Variants in CSMD1 observed in about 807,000 individuals in gnomAD.
CSMD1 encodes the protein CUB and sushi domain-containing protein 1.
CSMD1 carries 213 observed loss-of-function variants against 417.5 expected under a neutral mutation model. The ratio of observed to expected loss-of-function variants is 0.51; its 90% CI spans 0.46 to 0.57. The LOEUF (loss-of-function observed/expected upper bound fraction) is 0.57, where lower values mean the gene tolerates loss of function less well. CSMD1 is among the 20% of genes least tolerant of loss of function. CSMD1 has a pLI of 0.00. For missense variants in CSMD1, 6,923 were observed against 4,529.7 expected, an observed-to-expected ratio of 1.53 and a Z score of -15.17; for synonymous variants, 2,862 against 1,736.8, an observed-to-expected ratio of 1.65 and a Z score of -16.11.
chr8:4,752,055 T>C (rs1431133356), intron 1 of CSMD1, among the ~76,000 whole-genome samples: 3 of 151,446 alleles, frequency 2.0e-5, no homozygotes, highest in Non-Finnish European at 4.4e-5. Context: ...GTGTATATAT[T>C]AATACAAAAA....
At chr8:3,040,175 C>T (rs7014609) in intron 50 of CSMD1, among the ~76,000 whole-genome samples, 5 of 151,892 alleles carry the variant, frequency 3.3e-5, no homozygotes, top group Non-Finnish European at 7.4e-5. Context: ...AAAGAAGGAA[C>T]GAACATCCAA....
intron 53 of CSMD1, 143 bp downstream of exon 53, chr8:2,999,813 TTC>T (rs1807239203): frequency 1.6e-6 from 1 of 632,632 alleles, no homozygotes; most frequent in South Asian, 3.5e-5. Context: ...ACCTCTCCTG[TTC>T]TCTTTCTTTG....
intron 5 of CSMD1, among the ~76,000 whole-genome samples, chr8:3,962,512 T>A (rs565508144): frequency 6.6e-6 from 1 of 152,180 alleles, no homozygotes; most frequent in African/African-American, 2.4e-5. Flanking sequence ...GGAACCCCTA[T>A]ATTAACGTAA....
intron 5 of CSMD1, among the ~76,000 whole-genome samples, chr8:3,763,329 G>C (rs973560347): frequency 2.6e-5 from 4 of 152,182 alleles, no homozygotes; most frequent in South Asian, 4.1e-4. Context: ...GGCCCTGTGG[G>C]AGGTGTTGGT....
chr8:4,958,353 G>C (rs28489494), intron 1 of CSMD1, among the ~76,000 whole-genome samples: 1 of 151,966 alleles, frequency 6.6e-6, no homozygotes, highest in East Asian at 1.9e-4. Flanking sequence ...AGGTGAACAT[G>C]GTTGATCTTT....
chr8:2,954,099 A>C, intron 65 of CSMD1, 125 bp downstream of exon 65: 1 of 462,532 alleles, frequency 2.2e-6, no homozygotes, highest in South Asian at 5.0e-5. Context: ...TAAATAATTG[A>C]AACATTAACT....
intron 2 of CSMD1, among the ~76,000 whole-genome samples, chr8:4,591,204 G>C (rs1799966218): frequency 6.6e-6 from 1 of 152,318 alleles, no homozygotes. Context: ...GCTGAGTAAA[G>C]ATGAAGATGA....
intron 5 of CSMD1, among the ~76,000 whole-genome samples, chr8:3,969,336 T>C (rs868128227): frequency 6.6e-6 from 1 of 152,184 alleles, no homozygotes; most frequent in African/African-American, 2.4e-5. Context: ...CTCTCGCTAC[T>C]TGCTTCCTAA....
rs1006356591 is a variant in CSMD1, at chr8:3,942,393, C to T, written c.818+55510G>A. Among the ~76,000 whole-genome samples, 3 of 152,106 alleles carry T rather than the reference C, an allele frequency of 2.0e-5. No individual in the cohort carries two copies. The South Asian group carries it at 6.2e-4, about 32-fold the overall frequency. ...CTACCTTAACCCAAGCACCTTTTCT[C>T]AAAGTGACACTGCTAAGGCAAAGCA... On this transcript the variant is annotated intron_variant, in intron 5 of 69. Coordinates refer to ENST00000635120, the MANE Select transcript of CSMD1 (RefSeq NM_033225.6).
chr8:3,220,794 G>A (rs1798163886), intron 28 of CSMD1, among the ~76,000 whole-genome samples: 1 of 152,168 alleles, frequency 6.6e-6, no homozygotes, highest in Non-Finnish European at 1.5e-5. Context: ...TCACGCCACT[G>A]CACTCCAGCC....
chr8:3,574,870 G>A, intron 10 of CSMD1, 75 bp downstream of exon 10: 1 of 1,496,346 alleles, frequency 6.7e-7, no homozygotes, highest in African/African-American at 1.4e-5. Context: ...GCATTTGCTG[G>A]GCTGTTTGCT....
At chr8:4,781,613 T>A (rs1192295118) in intron 1 of CSMD1, among the ~76,000 whole-genome samples, 1 of 152,240 alleles carries the variant, frequency 6.6e-6, no homozygotes, top group Non-Finnish European at 1.5e-5. Flanking sequence ...TGTCTATTGT[T>A]GTACTTTCTG....
chr8:4,758,444 A>T (rs1811813275), intron 1 of CSMD1, among the ~76,000 whole-genome samples: 1 of 152,172 alleles, frequency 6.6e-6, no homozygotes, highest in Non-Finnish European at 1.5e-5. Flanking sequence ...AGGTGACATA[A>T]AGGAAGCGTG....
intron 1 of CSMD1, among the ~76,000 whole-genome samples, chr8:4,803,926 T>A (rs575794105): frequency 4.7e-4 from 71 of 152,298 alleles, no homozygotes; most frequent in African/African-American, 1.7e-3. Flanking sequence ...AGAGCCTCCA[T>A]AAATACGATG....
intron 10 of CSMD1, among the ~76,000 whole-genome samples, chr8:3,544,366 G>C (rs1283384979): frequency 6.6e-6 from 1 of 152,102 alleles, no homozygotes; most frequent in Non-Finnish European, 1.5e-5. Context: ...TTGTAGCAAA[G>C]AACATCTCCC....
intron 3 of CSMD1, among the ~76,000 whole-genome samples, chr8:4,312,818 T>G (rs958854467): frequency 2.0e-5 from 3 of 152,028 alleles, no homozygotes; most frequent in Admixed American, 1.3e-4. Context: ...AGGTTGCAGT[T>G]AGCTGAGATC....
rs756461127 is a variant in CSMD1 at position 3,347,981 on chromosome 8, A to T, written c.3474+11T>A. ...ACTTGGAGTCATCATGTTGGAGAAGATTCTTTTTACCTTTAGAGTATCTCC... is the reference window on the plus strand; with the variant it reads ...ACTTGGAGTCATCATGTTGGAGAAGTTTCTTTTTACCTTTAGAGTATCTCC... On this transcript the variant is annotated intron_variant, in intron 22 of 69. Coordinates refer to ENST00000635120, the MANE Select transcript of CSMD1 (RefSeq NM_033225.6). The T allele has an allele frequency of 1.9e-6, 3 of 1,549,544 alleles. No individual in the cohort carries two copies. The highest frequency in any genetic ancestry group is 2.2e-5 in the Admixed American group (1 of 45,576).
chr8:3,778,596 T>A (rs1358947049), intron 5 of CSMD1, among the ~76,000 whole-genome samples: 1 of 152,186 alleles, frequency 6.6e-6, no homozygotes, highest in Non-Finnish European at 1.5e-5. Context: ...AGAGCATCAG[T>A]GCCCTCTCCT....
chr8:3,182,672 A>G, intron 36 of CSMD1, among the ~76,000 whole-genome samples: 1 of 16,406 alleles, frequency 6.1e-5, no homozygotes, highest in African/African-American at 3.4e-4. Flanking sequence ...TGTCTATAAG[A>G]AGCTGTGTGT....
Sources: gnomAD v4.1 joint callset for allele counts (sites outside exome capture counted in the v4.1 genomes callset) on GRCh38, gnomAD v4.1.1 for gene constraint, MANE v1.5 for transcripts, NCBI Gene and HGNC (gene_info 2026-07-23, HGNC 2026-07-21) for gene names.